Variants in SPC24 observed in about 807,000 individuals in gnomAD.
SPC24 encodes the protein kinetochore protein Spc24.
Under a neutral mutation model 27.6 loss-of-function variants are expected in SPC24, and 31 were observed. The observed-to-expected ratio is 1.12, with a 90% CI of 0.84 to 1.52. SPC24 has a LOEUF of 1.52. Ranked by LOEUF, SPC24 falls within the 40% of genes most tolerant of loss-of-function variation. The pLI, the probability that SPC24 is intolerant of heterozygous loss-of-function variation, is 0.00. For missense variants in SPC24, 284 were observed against 252.5 expected (o/e 1.12, Z -0.84); for synonymous variants, 105 against 105.8 (o/e 0.99, Z 0.05).
Position 11,148,033 on chromosome 19 carries a change from T to C in SPC24, c.390A>G (p.Thr130=). 5.6e-6 allele frequency: 9 copies of C among 1,613,746 alleles called. No homozygotes were observed. The highest frequency in any genetic ancestry group is 1.7e-5 in the Admixed American group (1 of 59,974). Residue 130 remains threonine, a synonymous_variant, in exon 3 of 5, where the codon ACA becomes ACG. Coordinates refer to ENST00000592540, the MANE Select transcript of SPC24 (RefSeq NM_182513.4). ...RQEKEVDEDT[T]VTIPSAVYVA... ...CCTACACGGCCGAGGGGATTGTGAC[T>C]GTCGTGTCCTCGTCGACCTCCTTCT... is the stretch of plus-strand genomic sequence containing the variant.
In SPC24 at chr19:11,151,770, T is replaced by C. The variant is rs564514506; in HGVS notation, c.161-2532A>G. On this transcript the variant is annotated intron_variant, in intron 1 of 4. Coordinates refer to ENST00000592540, the MANE Select transcript of SPC24 (RefSeq NM_182513.4). The stretch of plus-strand genomic sequence containing the variant: ...GATTACAGGCACCCACCACCACGCC[T>C]GGCTAATTTTTATATTTTTACCGGA... 4.6e-5 allele frequency among the ~76,000 whole-genome samples: 7 copies of C among 151,732 alleles called. No homozygotes were observed. In the South Asian group the frequency reaches 8.3e-4, roughly 18 times the overall value.
At chr19:11,154,129 G>A (rs893631983) in intron 1 of SPC24, among the ~76,000 whole-genome samples, 4 of 152,104 alleles carry the variant, frequency 2.6e-5, no homozygotes, top group African/African-American at 9.7e-5. Context: ...GTTCATAGCA[G>A]CGTTATTCAA....
At chr19:11,155,157 C>T (rs1316726978) in intron 1 of SPC24, among the ~76,000 whole-genome samples, 7 of 152,134 alleles carry the variant, frequency 4.6e-5, no homozygotes, top group Admixed American at 3.3e-4. Context: ...GCAGCAGATG[C>T]TCCATAAAAC....
chr19:11,149,199 A>T lies in SPC24; in HGVS notation c.200T>A (p.Leu67His). The T allele has an allele frequency of 6.4e-7, 1 of 1,550,782 alleles. No homozygotes were observed. The highest frequency in any genetic ancestry group is 8.7e-7 in the Non-Finnish European group (1 of 1,146,746). The change falls in exon 2 of 5, where the codon CTC becomes CAC. Residue 67 changes from leucine to histidine, a missense_variant. Coordinates refer to ENST00000592540, the MANE Select transcript of SPC24 (RefSeq NM_182513.4). ...TMEKEVAQSLLNAKEQVHQGG... is the reference protein window; with the variant it reads ...TMEKEVAQSLHNAKEQVHQGG... ...CTGGTGCACCTGCTCCTTCGCATTGAGAAGGCTCTGGGCCACTTCCTTCTC... is the reference window on the plus strand; with the variant it reads ...CTGGTGCACCTGCTCCTTCGCATTGTGAAGGCTCTGGGCCACTTCCTTCTC...
intron 2 of SPC24, among the ~76,000 whole-genome samples, chr19:11,148,512 C>CT (rs936502678): frequency 1.0e-3 from 144 of 143,386 alleles, no homozygotes; most frequent in African/African-American, 2.8e-3. Context: ...CTGGTCTTTT[C>CT]TTTTTTTTTT....
chr19:11,154,447 G>C (rs1012555672), intron 1 of SPC24, among the ~76,000 whole-genome samples: 2 of 152,118 alleles, frequency 1.3e-5, no homozygotes, highest in African/African-American at 4.8e-5. Flanking sequence ...GCTGAGGTGG[G>C]AGGATCACTT....
intron 1 of SPC24, among the ~76,000 whole-genome samples, chr19:11,154,702 G>A (rs765447595): frequency 2.0e-5 from 3 of 152,036 alleles, no homozygotes; most frequent in Non-Finnish European, 4.4e-5. Context: ...GGTTCCTAGA[G>A]GAGTCAAATT....
intron 1 of SPC24, among the ~76,000 whole-genome samples, chr19:11,151,654 G>A (rs541986069): frequency 6.6e-6 from 1 of 152,164 alleles, no homozygotes; most frequent in Admixed American, 6.6e-5. Flanking sequence ...CTGTCATCCA[G>A]GCTGGAGTGC....
At chr19:11,154,065 C>T (rs1315125971) in intron 1 of SPC24, among the ~76,000 whole-genome samples, 1 of 80,550 alleles carries the variant, frequency 1.2e-5, no homozygotes, top group African/African-American at 5.4e-5. Flanking sequence ...CAGAGCAAGA[C>T]TCCGTCTCAA....
At chr19:11,148,240 CTT>C in intron 2 of SPC24, 123 bp from the exon 3 acceptor site, 1 of 663,162 alleles carries the variant, frequency 1.5e-6, no homozygotes, top group East Asian at 2.7e-5. Flanking sequence ...CAGAGTTTTG[CTT>C]TGTCACCCAG....
chr19:11,147,290 C>T lies in SPC24; in HGVS notation c.488-1G>A. On this transcript the variant is annotated splice_acceptor_variant, in intron 4 of 4. Transcript: ENST00000592540. LOFTEE classifies it high-confidence loss of function. ...TGGGCCACACTGGGGCCATGATGGACTGAGGCACAGATGTAAGGAAAGCCC... is the reference window on the plus strand; with the variant it reads ...TGGGCCACACTGGGGCCATGATGGATTGAGGCACAGATGTAAGGAAAGCCC... The T allele has an allele frequency of 6.4e-7, 1 of 1,561,522 alleles. No individual in the cohort carries two copies. Among genetic ancestry groups the T allele is most frequent in the Admixed American group, 1.9e-5 (1 of 52,454 alleles).
chr19:11,148,567 A>G (rs369578039), intron 2 of SPC24, among the ~76,000 whole-genome samples: 1 of 151,056 alleles, frequency 6.6e-6, no homozygotes, highest in South Asian at 2.1e-4. Flanking sequence ...TGTAGCCTCA[A>G]TCTCCCAGGA....
intron 1 of SPC24, among the ~76,000 whole-genome samples, chr19:11,154,010 CT>C (rs1250565770): frequency 6.6e-6 from 1 of 151,798 alleles, no homozygotes; most frequent in Non-Finnish European, 1.5e-5. Flanking sequence ...GGAGACGCAG[CT>C]TGCAGTGAGC....
intron 1 of SPC24, among the ~76,000 whole-genome samples, chr19:11,153,399 A>C (rs534235783): frequency 2.6e-5 from 4 of 151,806 alleles, no homozygotes; most frequent in Non-Finnish European, 4.4e-5. Context: ...CAGTGAGCCA[A>C]GATCACGCCA....
intron 1 of SPC24, among the ~76,000 whole-genome samples, chr19:11,151,619 TG>T (rs71164156): frequency 0.82 from 121,030 of 148,284 alleles, 48,872 homozygotes; most frequent in African/African-American, 0.84. Context: ...ACTTTTTTTT[TG>T]GGGGGGGGGG....
rs554594106 is a variant in SPC24 at position 11,150,435 on chromosome 19, G to A, written c.161-1197C>T. Among the ~76,000 whole-genome samples the A allele has an allele frequency of 3.1e-4, 47 of 151,336 alleles. No homozygotes were observed. The East Asian group carries it at 8.2e-3, about 26-fold the overall frequency. ...TGGGAGGCGGAGGTTGCGGTGAGCC[G>A]ACATCGCGCCATTGCACTCCAGTCT... On this transcript the variant is annotated intron_variant, in intron 1 of 4. Coordinates refer to ENST00000592540, the MANE Select transcript of SPC24 (RefSeq NM_182513.4).
At chr19:11,147,690 T>A in intron 4 of SPC24, 128 bp downstream of exon 4, 1 of 849,620 alleles carries the variant, frequency 1.2e-6, no homozygotes, top group Non-Finnish European at 1.9e-6. Flanking sequence ...CACCTCAGCC[T>A]CCCAGGTAGC....
At chr19:11,154,088 TAC>T in intron 1 of SPC24, among the ~76,000 whole-genome samples, 1 of 146,394 alleles carries the variant, frequency 6.8e-6, no homozygotes, top group East Asian at 2.0e-4. Context: ...AAAAAAAAAA[TAC>T]AGTCTTGAAG....
At chr19:11,154,945 G>C (rs1357967157) in intron 1 of SPC24, among the ~76,000 whole-genome samples, 1 of 152,134 alleles carries the variant, frequency 6.6e-6, no homozygotes, top group Non-Finnish European at 1.5e-5. Flanking sequence ...CAGTACTTTG[G>C]GAGGCTGAGG....
Sources: allele counts gnomAD v4.1 joint callset (sites outside exome capture counted in the v4.1 genomes callset), GRCh38; gene constraint gnomAD v4.1.1; transcripts MANE v1.5; gene names NCBI Gene and HGNC (gene_info 2026-07-23, HGNC 2026-07-21).